Variants in HSD17B2 observed in about 807,000 individuals in gnomAD.
HSD17B2 encodes hydroxysteroid 17-beta dehydrogenase 2.
A neutral mutation model predicts 26.9 loss-of-function variants in HSD17B2; 32 were observed. The observed-to-expected ratio is 1.19, with a 90% CI of 0.90 to 1.60. The LOEUF is 1.60. HSD17B2 is among the 40% of genes most tolerant of loss of function. HSD17B2 has a pLI of 0.00. For missense variants in HSD17B2, 613 were observed against 468.6 expected (o/e 1.31, Z -2.85); for synonymous variants, 246 against 186.7 (o/e 1.32, Z -2.59).
At chr16:82,086,705 T>A (rs1038163925) in intron 3 of HSD17B2, among the ~76,000 whole-genome samples, 10 of 152,236 alleles carry the variant, frequency 6.6e-5, no homozygotes, top group Admixed American at 1.3e-4. Context: ...ACATTATTGA[T>A]TAAGGCAGGT....
chr16:82,081,010 C>G (rs542581765), intron 3 of HSD17B2, among the ~76,000 whole-genome samples: 14 of 151,936 alleles, frequency 9.2e-5, no homozygotes, highest in African/African-American at 3.4e-4. Context: ...GGTTACTTCC[C>G]CCTCCCTGTC....
chr16:82,085,985 G>C (rs962152535), intron 3 of HSD17B2, among the ~76,000 whole-genome samples: 4 of 152,074 alleles, frequency 2.6e-5, no homozygotes, highest in Admixed American at 6.6e-5. Context: ...ACACATGTTG[G>C]TGAGAATGTG....
chr16:82,090,308 T>TG (rs1904649851), intron 3 of HSD17B2: 1 of 236,630 alleles, frequency 4.2e-6, no homozygotes, highest in African/African-American at 3.6e-5. Flanking sequence ...CATTGTTTTT[T>TG]TTTTTTTTTT....
At chr16:82,052,749 T>C (rs1914145130) in intron 1 of HSD17B2, among the ~76,000 whole-genome samples, 1 of 152,202 alleles carries the variant, frequency 6.6e-6, no homozygotes. Context: ...CTACTGAAGA[T>C]CACATGTAGT....
chr16:82,084,202 G>A (rs1487443497), intron 3 of HSD17B2, among the ~76,000 whole-genome samples: 1 of 152,074 alleles, frequency 6.6e-6, no homozygotes, highest in Non-Finnish European at 1.5e-5. Context: ...TGAGTCCAGG[G>A]CAATATTTCT....
chr16:82,062,534 A>C (rs979192397), intron 1 of HSD17B2, among the ~76,000 whole-genome samples: 2 of 152,180 alleles, frequency 1.3e-5, no homozygotes, highest in African/African-American at 4.8e-5. Context: ...TTTATACCCC[A>C]GTTGTTTATA....
At chr16:82,039,807 C>G (rs1913721498) in intron 1 of HSD17B2, among the ~76,000 whole-genome samples, 1 of 152,148 alleles carries the variant, frequency 6.6e-6, no homozygotes, top group South Asian at 2.1e-4. Context: ...AGAGCAGACA[C>G]CTCAGGGCTT....
chr16:82,084,224 C>T (rs1416433574), intron 3 of HSD17B2, among the ~76,000 whole-genome samples: 1 of 152,134 alleles, frequency 6.6e-6, no homozygotes, highest in African/African-American at 2.4e-5. Flanking sequence ...AACCTTGGCA[C>T]TACTGGCATT....
intron 1 of HSD17B2, among the ~76,000 whole-genome samples, chr16:82,056,119 T>A (rs147244462): frequency 1.3e-5 from 2 of 152,076 alleles, no homozygotes; most frequent in African/African-American, 4.8e-5. Context: ...GCTGAGTGAG[T>A]TTTTGGTCAT....
At chr16:82,077,480 TC>T (rs1468517749) in intron 3 of HSD17B2, among the ~76,000 whole-genome samples, 2 of 152,176 alleles carry the variant, frequency 1.3e-5, no homozygotes, top group African/African-American at 4.8e-5. Flanking sequence ...ATGCCTGTAA[TC>T]CCAGCACACA....
At position 82,035,346 on chromosome 16, in the gene HSD17B2, A is replaced by C. The variant is rs1913593691; in HGVS notation, c.-79A>C. On this transcript the variant is annotated 5_prime_UTR_variant, in exon 1 of 5. Transcript: ENST00000199936. Reference sequence around the variant, plus strand: ...CCCTTCTTGACTCTCTGTTCACAGAACTCAGGCTGCCTCCAGCCAGCCTTT... The same window carrying C: ...CCCTTCTTGACTCTCTGTTCACAGACCTCAGGCTGCCTCCAGCCAGCCTTT... 1 of 1,425,448 alleles carries C rather than the reference A, an allele frequency of 7.0e-7. No individual in the cohort carries two copies. Among genetic ancestry groups the C allele is most frequent in the African/African-American group, 1.4e-5 (1 of 71,074 alleles). The allele number at this position is 1,425,448 out of a possible 1,614,324, so 88.3% of individuals were successfully genotyped here.
In HSD17B2 at chr16:82,035,262, G is replaced by A. The variant is rs950111472; in HGVS notation, c.-163G>A. On this transcript the variant is annotated 5_prime_UTR_variant, in exon 1 of 5. Transcript: ENST00000199936. Reference sequence around the variant, plus strand: ...CACACTGGTTTAAATTACCCACTGGGAATATGATTATGCTTAATCTATGCT... The same window carrying A: ...CACACTGGTTTAAATTACCCACTGGAAATATGATTATGCTTAATCTATGCT... The A allele has an allele frequency of 1.6e-5, 10 of 625,052 alleles. No individual in the cohort carries two copies. The East Asian group carries it at 2.7e-4, about 17-fold the overall frequency. The allele number at this position is 625,052 out of a possible 1,614,324, so 38.7% of individuals were successfully genotyped here.
chr16:82,043,071 C>G (rs759630070), intron 1 of HSD17B2, among the ~76,000 whole-genome samples: 26 of 152,246 alleles, frequency 1.7e-4, no homozygotes, highest in Non-Finnish European at 3.8e-4. Context: ...CTCTTGACAT[C>G]ATTTCTGTGG....
At chr16:82,070,673 C>A (rs768178612) in intron 2 of HSD17B2, 1 of 458,782 alleles carries the variant, frequency 2.2e-6, no homozygotes, top group East Asian at 3.6e-5. Flanking sequence ...ATTTGCAATA[C>A]CTGCTGGTTC....
chr16:82,052,102 G>A (rs1314499457), intron 1 of HSD17B2, among the ~76,000 whole-genome samples: 3 of 152,168 alleles, frequency 2.0e-5, no homozygotes, highest in Admixed American at 1.3e-4. Flanking sequence ...GAATCAAGTC[G>A]TATCCGAGAT....
Position 82,035,333 on chromosome 16 carries a change from C to A in HSD17B2, c.-92C>A. 1 of 1,263,292 alleles carries A rather than the reference C, an allele frequency of 7.9e-7. No individual in the cohort carries two copies. Among genetic ancestry groups the A allele is most frequent in the Non-Finnish European group, 1.1e-6 (1 of 898,712 alleles). 78.3% of individuals were successfully genotyped at this position (1,263,292 alleles called of 1,614,324 possible). A position where few individuals can be genotyped will look rare whatever the true frequency, so the allele number is the denominator to read the frequency against. ...TGCTTTCTCCCCTCCCTTCTTGACT[C>A]TCTGTTCACAGAACTCAGGCTGCCT... is the stretch of plus-strand genomic sequence containing the variant. On this transcript the variant is annotated 5_prime_UTR_variant, in exon 1 of 5. Transcript: ENST00000199936.
In HSD17B2 at chr16:82,049,181, G is replaced by A. The variant is rs553452439; in HGVS notation, c.265+13492G>A. On this transcript the variant is annotated intron_variant, in intron 1 of 4. Transcript: ENST00000199936. Reference sequence around the variant, plus strand: ...TACTGGGAGCAATTTGGTTACCTAGGGGAATATTTGGCAATTCTGGAGATA... The same window carrying A: ...TACTGGGAGCAATTTGGTTACCTAGAGGAATATTTGGCAATTCTGGAGATA... 5.3e-5 allele frequency among the ~76,000 whole-genome samples: 8 copies of A among 152,082 alleles called. 1 individual carries two copies. The highest frequency in any genetic ancestry group is 1.9e-4 in the African/African-American group (8 of 41,394).
chr16:82,084,836 G>C (rs1981878), intron 3 of HSD17B2, among the ~76,000 whole-genome samples: 48,897 of 152,068 alleles, frequency 0.32, 8,272 homozygotes, highest in Non-Finnish European at 0.36. Flanking sequence ...GGGCTCAAGC[G>C]ATCCTCCCAC....
intron 3 of HSD17B2, chr16:82,071,841 C>T (rs1406390394): frequency 6.4e-6 from 1 of 155,178 alleles, no homozygotes; most frequent in East Asian, 1.9e-4. Context: ...GTCACTGGGT[C>T]ACTGCAGAGG....
Sources: gnomAD v4.1 joint callset for allele counts (sites outside exome capture counted in the v4.1 genomes callset) on GRCh38, gnomAD v4.1.1 for gene constraint, MANE v1.5 for transcripts, NCBI Gene and HGNC (gene_info 2026-07-23, HGNC 2026-07-21) for gene names.